The following GOLPH3L variants were observed in gnomAD, a reference collection of about 807,000 sequenced individuals.
GOLPH3L encodes golgi phosphoprotein 3 like.
Under a neutral mutation model 30.3 loss-of-function variants are expected in GOLPH3L, and 22 were observed. The ratio of observed to expected loss-of-function variants is 0.73; its 90% confidence interval spans 0.52 to 1.04. The LOEUF is 1.04. GOLPH3L is among the 50% of genes least tolerant of loss of function. The pLI is 0.00. For synonymous variants in GOLPH3L, 120 were observed against 128.2 expected, an observed-to-expected ratio of 0.94 and a Z score of 0.43; for missense variants, 303 against 345.8, an observed-to-expected ratio of 0.88 and a Z score of 0.98.
intron 4 of GOLPH3L, among the ~76,000 whole-genome samples, chr1:150,651,792 T>C (rs1272684755): frequency 6.8e-6 from 1 of 147,510 alleles, no homozygotes; most frequent in African/African-American, 2.5e-5. Context: ...GAAAAGAGAA[T>C]GAAGAAAAAT....
intron 2 of GOLPH3L, among the ~76,000 whole-genome samples, chr1:150,688,160 T>C (rs1348914172): frequency 2.0e-5 from 3 of 152,352 alleles, no homozygotes; most frequent in Non-Finnish European, 2.9e-5. Flanking sequence ...GGTGATTACA[T>C]GACTGTTGGC....
chr1:150,694,139 G>A (rs746833090), intron 2 of GOLPH3L: 5 of 447,586 alleles, frequency 1.1e-5, no homozygotes, highest in South Asian at 4.9e-5. Flanking sequence ...GATTACAGGC[G>A]TGAGCCACCG....
chr1:150,658,264 A>G (rs1298898836), intron 4 of GOLPH3L, among the ~76,000 whole-genome samples: 1 of 152,190 alleles, frequency 6.6e-6, no homozygotes, highest in African/African-American at 2.4e-5. Context: ...GGAGGAAGAA[A>G]ACCTGAGGAA....
In GOLPH3L at chr1:150,694,865, G is replaced by GA. The variant is rs587633875; in HGVS notation, c.-12-16dup. On this transcript the variant is annotated splice_polypyrimidine_tract_variant and intron_variant, in intron 1 of 4. Transcript: ENST00000271732. Reference sequence around the variant, plus strand: ...CTCACCTGTTTCTGGAGGGAGTGGTGAAAAAAAAAATCCATATGTATGCTT... The same window carrying GA: ...CTCACCTGTTTCTGGAGGGAGTGGTGAAAAAAAAAAATCCATATGTATGCTT... 3.6e-3 allele frequency: 5,015 copies of GA among 1,380,296 alleles called. 9 individuals are homozygous for GA. Among genetic ancestry groups the GA allele is most frequent in the African/African-American group, 0.019 (1,246 of 66,626 alleles). 85.5% of individuals were successfully genotyped at this position (1,380,296 alleles called of 1,614,324 possible).
Position 150,647,417 on chromosome 1 carries a change from C to T in GOLPH3L, c.*904G>A, listed in dbSNP as rs1278105151. On this transcript the variant is annotated 3_prime_UTR_variant, in exon 5 of 5. Transcript: ENST00000271732. ...ACTGAGGCAGGAGGATCCTTGAGCC[C>T]TGGAGGTCAAGGCTGCAGTCAGCTG... is the stretch of plus-strand genomic sequence containing the variant. 6.6e-6 allele frequency: 1 copy of T among 152,398 alleles called. No homozygotes were observed. The highest frequency in any genetic ancestry group is 1.5e-5 in the Non-Finnish European group (1 of 68,166). 9.4% of individuals were successfully genotyped at this position (152,398 alleles called of 1,614,324 possible).
At chr1:150,663,866 C>T in intron 2 of GOLPH3L, 103 bp from the exon 3 acceptor site, 1 of 868,148 alleles carries the variant, frequency 1.2e-6, no homozygotes, top group South Asian at 1.6e-5. Context: ...CGTTTCACAT[C>T]ATACTACATG....
At chr1:150,695,419 G>A (rs1245922674) in intron 1 of GOLPH3L, among the ~76,000 whole-genome samples, 3 of 151,998 alleles carry the variant, frequency 2.0e-5, no homozygotes, top group Non-Finnish European at 4.4e-5. Flanking sequence ...TTACAGGCAT[G>A]AGCCACCAGG....
chr1:150,678,893 G>A (rs1650882813), intron 2 of GOLPH3L, among the ~76,000 whole-genome samples: 1 of 152,220 alleles, frequency 6.6e-6, no homozygotes, highest in Non-Finnish European at 1.5e-5. Context: ...AGAGGTTGCA[G>A]TGAGCCGAGA....
chr1:150,678,380 A>T (rs1287098625), intron 2 of GOLPH3L, among the ~76,000 whole-genome samples: 17 of 151,566 alleles, frequency 1.1e-4, no homozygotes. Flanking sequence ...CATTTTTAAA[A>T]ACTAGATGTT....
intron 4 of GOLPH3L, among the ~76,000 whole-genome samples, chr1:150,651,085 G>A (rs1650094223): frequency 6.6e-6 from 1 of 152,246 alleles, no homozygotes; most frequent in Non-Finnish European, 1.5e-5. Flanking sequence ...GAGAGGCTGA[G>A]GTGGGTGGAT....
At position 150,694,864 on chromosome 1, in the gene GOLPH3L, TG is replaced by T; in HGVS notation, c.-12-15del. The T allele has an allele frequency of 6.7e-7, 1 of 1,498,842 alleles. No individual in the cohort carries two copies. The highest frequency in any genetic ancestry group is 1.3e-5 in the South Asian group (1 of 79,378). The allele number at this position is 1,498,842 out of a possible 1,614,324, so 92.8% of individuals were successfully genotyped here. On this transcript the variant is annotated splice_polypyrimidine_tract_variant and intron_variant, in intron 1 of 4. Coordinates refer to ENST00000271732, the MANE Select transcript of GOLPH3L (RefSeq NM_018178.6). ...TCTCACCTGTTTCTGGAGGGAGTGG[TG>T]AAAAAAAAAATCCATATGTATGCTT... is the stretch of plus-strand genomic sequence containing the variant.
chr1:150,684,960 G>A (rs916451034), intron 2 of GOLPH3L, among the ~76,000 whole-genome samples: 1 of 152,062 alleles, frequency 6.6e-6, no homozygotes, highest in Admixed American at 6.6e-5. Context: ...GAGCCACCAT[G>A]CCCAGCGATA....
intron 2 of GOLPH3L, chr1:150,694,134 C>G (rs772016500): frequency 1.1e-5 from 5 of 446,942 alleles, no homozygotes; most frequent in Non-Finnish European, 1.4e-5. Flanking sequence ...GCTGGGATTA[C>G]AGGCGTGAGC....
At chr1:150,684,899 C>A (rs972772273) in intron 2 of GOLPH3L, among the ~76,000 whole-genome samples, 1 of 152,120 alleles carries the variant, frequency 6.6e-6, no homozygotes, top group Non-Finnish European at 1.5e-5. Context: ...AATTCCTGAC[C>A]TCAGGTGATC....
chr1:150,662,956 T>G (rs1650403700), intron 3 of GOLPH3L, among the ~76,000 whole-genome samples: 1 of 152,042 alleles, frequency 6.6e-6, no homozygotes, highest in South Asian at 2.1e-4. Flanking sequence ...GGAAACAGAA[T>G]ATTATTGGAG....
chr1:150,686,713 A>C (rs1347268681), intron 2 of GOLPH3L, among the ~76,000 whole-genome samples: 1 of 152,212 alleles, frequency 6.6e-6, no homozygotes, highest in Non-Finnish European at 1.5e-5. Flanking sequence ...TTACAGCCAA[A>C]ATCCCAAATT....
chr1:150,675,686 G>A (rs1181292519), intron 2 of GOLPH3L, among the ~76,000 whole-genome samples: 1 of 143,438 alleles, frequency 7.0e-6, no homozygotes, highest in Non-Finnish European at 1.5e-5. Flanking sequence ...TGAGGCAGGA[G>A]AACTACTTGA....
intron 2 of GOLPH3L, among the ~76,000 whole-genome samples, chr1:150,668,785 A>G (rs1650574953): frequency 6.6e-6 from 1 of 152,194 alleles, no homozygotes; most frequent in Non-Finnish European, 1.5e-5. Flanking sequence ...AAGTTAAACT[A>G]TAACTTCCTT....
At chr1:150,692,502 C>A (rs1651236235) in intron 2 of GOLPH3L, among the ~76,000 whole-genome samples, 1 of 152,224 alleles carries the variant, frequency 6.6e-6, no homozygotes, top group Non-Finnish European at 1.5e-5. Flanking sequence ...CCTCTTGACT[C>A]AGCCTCCTGA....
Sources: gnomAD v4.1 joint callset for allele counts (sites outside exome capture counted in the v4.1 genomes callset) on GRCh38, gnomAD v4.1.1 for gene constraint, MANE v1.5 for transcripts, NCBI Gene and HGNC (gene_info 2026-07-23, HGNC 2026-07-21) for gene names.